NCAPD3: variants seen among roughly 807,000 people sequenced by gnomAD.
NCAPD3 encodes non-SMC condensin II complex subunit D3.
In NCAPD3, 105 loss-of-function variants were observed where a neutral mutation model predicts 182.9. The ratio of observed to expected loss-of-function variants is 0.57; its 90% CI spans 0.49 to 0.68. The LOEUF (loss-of-function observed/expected upper bound fraction) is 0.68, where lower values mean the gene tolerates loss of function less well. Ranked by LOEUF, NCAPD3 falls within the 30% of genes least tolerant of loss-of-function variation. The pLI is 0.00. For missense variants in NCAPD3, 1,944 were observed against 1,837.0 expected, an observed-to-expected ratio of 1.06 and a Z score of -1.07; for synonymous variants, 815 against 679.9, an observed-to-expected ratio of 1.20 and a Z score of -3.09.
At chr11:134,178,542 C>T (rs1944220934) in intron 22 of NCAPD3, 92 bp downstream of exon 22, 3 of 997,174 alleles carry the variant, frequency 3.0e-6, no homozygotes, top group South Asian at 4.0e-5. Context: ...ACAGGCTCCG[C>T]AGCCCCTGAC....
chr11:134,177,979 T>C (rs1318982376), intron 22 of NCAPD3: 2 of 152,356 alleles, frequency 1.3e-5, no homozygotes, highest in Non-Finnish European at 2.9e-5. Context: ...GTTTTGCAAT[T>C]CTTAGGTATT....
chr11:134,200,945 A>C (rs1944734650), intron 13 of NCAPD3, among the ~76,000 whole-genome samples: 1 of 152,176 alleles, frequency 6.6e-6, no homozygotes, highest in African/African-American at 2.4e-5. Context: ...AGCCTTGAAA[A>C]CACGCTATAG....
chr11:134,212,923 A>G (rs1937889674), intron 3 of NCAPD3, among the ~76,000 whole-genome samples: 1 of 152,230 alleles, frequency 6.6e-6, no homozygotes, highest in Non-Finnish European at 1.5e-5. Flanking sequence ...AAAGAAATAG[A>G]AAATAAATAG....
chr11:134,158,219 G>A (rs1460969292), intron 30 of NCAPD3, 110 bp downstream of exon 30: 1 of 1,535,052 alleles, frequency 6.5e-7, no homozygotes, highest in Non-Finnish European at 8.9e-7. Context: ...CGGGGTGGCA[G>A]GCCAGACAAT....
At chr11:134,165,482 G>A (rs186306166) in intron 27 of NCAPD3, among the ~76,000 whole-genome samples, 12 of 147,700 alleles carry the variant, frequency 8.1e-5, no homozygotes, top group Non-Finnish European at 1.5e-4. Flanking sequence ...GCTTGGGGGA[G>A]TGGCACACTT....
At chr11:134,186,968 C>T (rs896567011) in intron 16 of NCAPD3, among the ~76,000 whole-genome samples, 3 of 152,020 alleles carry the variant, frequency 2.0e-5, no homozygotes, top group African/African-American at 4.8e-5. Flanking sequence ...TTAAAAATAA[C>T]GATATAAAAT....
intron 8 of NCAPD3, 101 bp from the exon 9 acceptor site, chr11:134,205,072 C>T: frequency 1.2e-6 from 1 of 818,574 alleles, no homozygotes; most frequent in Non-Finnish European, 2.0e-6. Context: ...TTAAAACACT[C>T]TACCTCACGC....
At chr11:134,167,734 G>C (rs138602263) in intron 27 of NCAPD3, among the ~76,000 whole-genome samples, 1 of 137,794 alleles carries the variant, frequency 7.3e-6, no homozygotes, top group African/African-American at 2.8e-5. Context: ...GCGCACACTC[G>C]TGAGATGAGC....
At position 134,220,716 on chromosome 11, in the gene NCAPD3, G is replaced by A; in HGVS notation, c.75C>T (p.Asp25=). The change falls in exon 2 of 35, where the codon GAC becomes GAT. Residue 25 remains aspartate, a synonymous_variant. Transcript: ENST00000534548. Reference sequence around the variant, plus strand: ...CTGTGAAATCCAGTTCCCACACTGTGTCAACCCATTCTAGGGGAAAATGCA... The same window carrying A: ...CTGTGAAATCCAGTTCCCACACTGTATCAACCCATTCTAGGGGAAAATGCA... ...CPLDLRLEWV[D]TVWELDFTET... 6.2e-7 allele frequency: 1 copy of A among 1,612,870 alleles called. No homozygotes were observed. Among genetic ancestry groups the A allele is most frequent in the South Asian group, 1.1e-5 (1 of 90,984 alleles).
chr11:134,159,173 C>T (rs1424587249), intron 29 of NCAPD3, among the ~76,000 whole-genome samples: 1 of 152,244 alleles, frequency 6.6e-6, no homozygotes, highest in African/African-American at 2.4e-5. Context: ...TTTGACTATA[C>T]AGTCAGCAGC....
chr11:134,154,547 A>G (rs867191794), intron 32 of NCAPD3, among the ~76,000 whole-genome samples: 4,673 of 91,618 alleles, frequency 0.051, 122 homozygotes, highest in East Asian at 0.1. Flanking sequence ...GTGCAGCCTC[A>G]CCCCTCCTGG....
intron 12 of NCAPD3, 56 bp from the exon 13 acceptor site, chr11:134,202,961 A>T (rs1051293109): frequency 7.2e-7 from 1 of 1,394,552 alleles, no homozygotes; most frequent in Non-Finnish European, 1.0e-6. Flanking sequence ...TTTTAATAAC[A>T]TTAGCAGGGC....
intron 2 of NCAPD3, among the ~76,000 whole-genome samples, chr11:134,219,238 G>C (rs1405209894): frequency 6.6e-6 from 1 of 152,124 alleles, no homozygotes; most frequent in Non-Finnish European, 1.5e-5. Context: ...TTTCTTTCTG[G>C]AACTTTCCCA....
rs985554862 is a variant in NCAPD3, at chr11:134,206,643, G to C, written c.972C>G (p.Thr324=). 1 of 1,613,584 alleles carries C rather than the reference G, an allele frequency of 6.2e-7. No individual in the cohort carries two copies. The highest frequency in any genetic ancestry group is 1.1e-5 in the South Asian group (1 of 90,968). The change falls in exon 8 of 35, where the codon ACC becomes ACG. Residue 324 remains threonine, a synonymous_variant. Coordinates refer to ENST00000534548, the MANE Select transcript of NCAPD3 (RefSeq NM_015261.3). ...EGSHRAPLAV[T]SQVINCRNQA... is the part of the protein sequence containing the mutation. The stretch of plus-strand genomic sequence containing the variant: ...GGTTTCTACAGTTGATGACTTGGGA[G>C]GTAACAGCAAGGGGGGCACGATGGG...
chr11:134,204,201 C>A lies in NCAPD3; in HGVS notation c.1090-30G>T. 1 of 1,608,704 alleles carries A rather than the reference C, an allele frequency of 6.2e-7. No homozygotes were observed. Among genetic ancestry groups the A allele is most frequent in the South Asian group, 1.1e-5 (1 of 90,700 alleles). On this transcript the variant is annotated intron_variant, in intron 9 of 34. Coordinates refer to ENST00000534548, the MANE Select transcript of NCAPD3 (RefSeq NM_015261.3). This position sits in a 1 kb window ranked among gnomAD's most constrained non-coding sequence, Gnocchi z 4.3. ...AAAGCAAAAAGAGAAGTTGACCAACCAATATCCACCCGCAGGATGGCTGAA... is the reference window on the plus strand; with the variant it reads ...AAAGCAAAAAGAGAAGTTGACCAACAAATATCCACCCGCAGGATGGCTGAA...
chr11:134,179,361 A>C (rs1944243133), intron 20 of NCAPD3, among the ~76,000 whole-genome samples: 1 of 152,196 alleles, frequency 6.6e-6, no homozygotes, highest in Non-Finnish European at 1.5e-5. Flanking sequence ...TACACTTACC[A>C]AGTATAGTAT....
chr11:134,184,687 C>G lies in NCAPD3; in HGVS notation c.2401G>C (p.Ala801Pro). ...GATGCTCTACAAAGCCTCTGCAAGG[C>G]GTCAACAGCTGAACTGATCACCTCT... ...SLEVISSAVD[A>P]LQRLCRASAE... is the part of the protein sequence containing the mutation. The change falls in exon 19 of 35, where the codon GCC becomes CCC. Residue 801 changes from alanine to proline, a missense_variant. By Grantham distance (27) the Ala-to-Pro change is conservative. Coordinates refer to ENST00000534548, the MANE Select transcript of NCAPD3 (RefSeq NM_015261.3). 1 of 1,613,998 alleles carries G rather than the reference C, an allele frequency of 6.2e-7. No individual in the cohort carries two copies. Among genetic ancestry groups the G allele is most frequent in the Non-Finnish European group, 8.5e-7 (1 of 1,179,970 alleles).
intron 3 of NCAPD3, among the ~76,000 whole-genome samples, chr11:134,214,010 C>T (rs1937932543): frequency 6.6e-6 from 1 of 151,568 alleles, no homozygotes; most frequent in South Asian, 2.1e-4. Context: ...ACAGATAGAA[C>T]AAATAAACAG....
At position 134,161,888 on chromosome 11, in the gene NCAPD3, G is replaced by C. The variant is rs1294343153; in HGVS notation, c.3577C>G (p.Gln1193Glu). The C allele has an allele frequency of 3.4e-6, 5 of 1,484,380 alleles. No homozygotes were observed. The African/African-American group carries it at 4.2e-5, about 12-fold the overall frequency. The allele number at this position is 1,484,380 out of a possible 1,614,324, so 92.0% of individuals were successfully genotyped here. ...ATATTTTCTATGAAATTCCTCTTCTGAACCTGGTAACACAAACAAAGACAT... is the reference window on the plus strand; with the variant it reads ...ATATTTTCTATGAAATTCCTCTTCTCAACCTGGTAACACAAACAAAGACAT... ...EAQKKLISQV[Q>E]KRNFIENIIP... Residue 1193 changes from glutamine (Q) to glutamate (E), a missense_variant, in exon 28 of 35, where the codon CAG (glutamine) becomes GAG (glutamate). Coordinates refer to ENST00000534548, the MANE Select transcript of NCAPD3 (RefSeq NM_015261.3).
Sources: gnomAD v4.1 joint callset for allele counts (sites outside exome capture counted in the v4.1 genomes callset) on GRCh38, gnomAD v4.1.1 for gene constraint, Gnocchi (gnomAD v3.1) non-coding constraint, MANE v1.5 for transcripts, NCBI Gene and HGNC (gene_info 2026-07-23, HGNC 2026-07-21) for gene names.